Variants in CAST observed in about 807,000 individuals in gnomAD.
The protein encoded by CAST is MIR583 host.
Under a neutral mutation model 119.6 loss-of-function variants are expected in CAST, and 76 were observed. That is an observed-to-expected ratio of 0.64 (90% CI 0.53 to 0.77). CAST has a LOEUF of 0.77. Ranked by LOEUF, CAST falls within the 30% of genes least tolerant of loss-of-function variation. The probability of loss-of-function intolerance (pLI) is 0.00; values close to 1 mark genes in which losing one functional copy is unlikely to be tolerated. For synonymous variants in CAST, 319 were observed against 331.6 expected, an observed-to-expected ratio of 0.96 and a Z score of 0.41; for missense variants, 953 against 946.5, an observed-to-expected ratio of 1.01 and a Z score of -0.09.
At chr5:96,225,326 AT>A in the CAST span, among the ~76,000 whole-genome samples, 3,528 of 150,998 alleles carry the variant, frequency 0.023, 125 homozygotes, top group African/African-American at 0.082. Context: ...ACCCAAACAG[AT>A]TTATGAAAAT....
the CAST span, among the ~76,000 whole-genome samples, chr5:96,030,046 G>A: frequency 6.6e-6 from 1 of 151,980 alleles, no homozygotes. Flanking sequence ...TAATTTTGGT[G>A]AACTAAAAGC....
the CAST span, among the ~76,000 whole-genome samples, chr5:96,319,199 G>T: frequency 6.6e-6 from 1 of 152,126 alleles, no homozygotes; most frequent in South Asian, 2.1e-4. Flanking sequence ...TGAACTAACA[G>T]AGTGAGAAAT....
At chr5:96,639,857 C>T (rs74431181) in intron 1 of CAST, among the ~76,000 whole-genome samples, 8 of 152,156 alleles carry the variant, frequency 5.3e-5, no homozygotes, top group East Asian at 1.9e-4. Context: ...ATTTCTACAC[C>T]ATCACACACT....
chr5:96,763,974 A>AT (rs1768912640), intron 25 of CAST, among the ~76,000 whole-genome samples: 1 of 151,950 alleles, frequency 6.6e-6, no homozygotes, highest in Non-Finnish European at 1.5e-5. Context: ...AAAAAAAAAA[A>AT]GCCTGCTTAG....
chr5:96,223,433 G>T, the CAST span, among the ~76,000 whole-genome samples: 1 of 152,020 alleles, frequency 6.6e-6, no homozygotes, highest in South Asian at 2.1e-4. Context: ...AAAAAATTAG[G>T]TTATAGTGGA....
intron 1 of CAST, among the ~76,000 whole-genome samples, chr5:96,551,327 A>C (rs746592686): frequency 6.6e-6 from 1 of 152,238 alleles, no homozygotes; most frequent in Admixed American, 6.5e-5. Context: ...AAGCTTCATA[A>C]GTGAAGGAAA....
intron 1 of CAST, among the ~76,000 whole-genome samples, chr5:96,615,491 A>G (rs1006810844): frequency 2.6e-5 from 4 of 152,330 alleles, no homozygotes; most frequent in African/African-American, 9.6e-5. Flanking sequence ...TGCTTTGCTA[A>G]TGTGCCAATG....
chr5:96,063,012 T>A, the CAST span, among the ~76,000 whole-genome samples: 1 of 152,068 alleles, frequency 6.6e-6, no homozygotes, highest in Non-Finnish European at 1.5e-5. Flanking sequence ...AACACCTCCC[T>A]CTCTCACATA....
chr5:96,739,897 T>G, intron 11 of CAST, 141 bp from the exon 12 acceptor site: 1 of 576,764 alleles, frequency 1.7e-6, no homozygotes. Context: ...TTGTATAAAG[T>G]GTTGGCTTCT....
At chr5:96,175,161 A>C in the CAST span, among the ~76,000 whole-genome samples, 2 of 152,238 alleles carry the variant, frequency 1.3e-5, no homozygotes, top group Non-Finnish European at 2.9e-5. Context: ...TAAGCTACTT[A>C]TAAAATAGTA....
At chr5:95,984,133 G>A in the CAST span, among the ~76,000 whole-genome samples, 1 of 152,156 alleles carries the variant, frequency 6.6e-6, no homozygotes, top group African/African-American at 2.4e-5. Context: ...CTCCTGGTCT[G>A]TGGAAAGTAT....
chr5:96,486,580 G>A, the CAST span, among the ~76,000 whole-genome samples: 22 of 152,172 alleles, frequency 1.4e-4, no homozygotes, highest in African/African-American at 4.8e-5. Context: ...GACTGCCAAG[G>A]AAGTTGAGCA....
intron 1 of CAST, among the ~76,000 whole-genome samples, chr5:96,648,624 G>A (rs1361927807): frequency 2.0e-5 from 3 of 152,088 alleles, no homozygotes; most frequent in African/African-American, 7.2e-5. Context: ...CAGTCAGCAA[G>A]TAATAACAAA....
chr5:96,000,734 TG>T, the CAST span, among the ~76,000 whole-genome samples: 1 of 152,222 alleles, frequency 6.6e-6, no homozygotes, highest in African/African-American at 2.4e-5. Context: ...TTTAGTGCAA[TG>T]GCTTCACTTT....
At chr5:96,591,716 G>C (rs1186237838) in intron 1 of CAST, among the ~76,000 whole-genome samples, 1 of 152,102 alleles carries the variant, frequency 6.6e-6, no homozygotes, top group Non-Finnish European at 1.5e-5. Context: ...AAATTTAGAG[G>C]GTCCTGCAAT....
At chr5:96,297,854 A>G in the CAST span, among the ~76,000 whole-genome samples, 1 of 152,176 alleles carries the variant, frequency 6.6e-6, no homozygotes, top group Non-Finnish European at 1.5e-5. Context: ...ACCCGGGAGC[A>G]CTATATGCAG....
the CAST span, among the ~76,000 whole-genome samples, chr5:96,369,149 A>AT: frequency 4.0e-5 from 6 of 150,964 alleles, no homozygotes; most frequent in African/African-American, 2.4e-5. Flanking sequence ...TATTTTATAT[A>AT]TTTTTTCTAT....
the CAST span, chr5:95,964,954 A>T: frequency 1.3e-5 from 2 of 152,278 alleles, no homozygotes; most frequent in Non-Finnish European, 2.9e-5. Flanking sequence ...AGGATATGTG[A>T]CTATCAAGGC....
At chr5:96,360,108 C>G in the CAST span, among the ~76,000 whole-genome samples, 35 of 151,950 alleles carry the variant, frequency 2.3e-4, no homozygotes, top group African/African-American at 8.0e-4. Flanking sequence ...GATATCCTTT[C>G]TTCTGCTTGA....
Sources: gnomAD v4.1 joint callset for allele counts (sites outside exome capture counted in the v4.1 genomes callset) on GRCh38, gnomAD v4.1.1 for gene constraint, MANE v1.5 for transcripts, NCBI Gene and HGNC (gene_info 2026-07-23, HGNC 2026-07-21) for gene names.